The following MAP3K2 variants were observed in gnomAD, a reference collection of about 807,000 sequenced individuals.
The protein encoded by MAP3K2 is MAP/ERK kinase kinase 2.
MAP3K2 carries 24 observed loss-of-function variants against 80.3 expected under a neutral mutation model. The observed-to-expected ratio is 0.30, with a 90% confidence interval of 0.22 to 0.42. The LOEUF is 0.42. Among genes scored for constraint, MAP3K2 ranks in the 10% least tolerant of loss-of-function variants. The pLI is 1.00. For missense variants in MAP3K2, 608 were observed against 750.1 expected (o/e 0.81, Z 2.21); for synonymous variants, 244 against 253.7 (o/e 0.96, Z 0.36).
chr2:127,383,299 C>T (rs907346696), intron 1 of MAP3K2, among the ~76,000 whole-genome samples: 1 of 152,216 alleles, frequency 6.6e-6, no homozygotes, highest in African/African-American at 2.4e-5. Context: ...TTTGACAAAA[C>T]TGATTCTTCC....
chr2:127,358,506 A>C (rs1165243598), intron 1 of MAP3K2, among the ~76,000 whole-genome samples: 1 of 152,254 alleles, frequency 6.6e-6, no homozygotes, highest in African/African-American at 2.4e-5. Flanking sequence ...CATAATGGCC[A>C]AAACTTGGAA....
chr2:127,306,284 T>G lies in MAP3K2; in HGVS notation c.*1295A>C, dbSNP rs1011387634. 6.6e-6 allele frequency: 1 copy of G among 152,174 alleles called. No homozygotes were observed. Among genetic ancestry groups the G allele is most frequent in the African/African-American group, 2.4e-5 (1 of 41,456 alleles). 9.4% of individuals were successfully genotyped at this position (152,174 alleles called of 1,614,324 possible). A position where few individuals can be genotyped will look rare whatever the true frequency, so the allele number is the denominator to read the frequency against. On this transcript the variant is annotated 3_prime_UTR_variant, in exon 17 of 17. Transcript: ENST00000682094. The surrounding 1 kb of genome is among the most constrained non-coding windows in gnomAD (Gnocchi z 4.7). ...TTTCTCAGCCTCAGCACTTCTGACA[T>G]TTTGGGAGGGGTAATTCTTTGAGGC...
Position 127,322,226 on chromosome 2 carries a change from T to C in MAP3K2, c.865A>G (p.Arg289Gly). Residue 289 changes from arginine to glycine, a missense_variant, in exon 12 of 17, where the codon AGG (arginine) becomes GGG (glycine). Transcript: ENST00000682094. This position sits in a 1 kb window ranked among gnomAD's most constrained non-coding sequence, Gnocchi z 4.2. ...DGRKTFPRAR[R>G]TQGTSLRSPV... ...GACCGTAAGCTGGTCCCCTGGGTCC[T>C]TCTAGCTCTTGGAAAAGTTTTACGA... 1 of 1,613,850 alleles carries C rather than the reference T, an allele frequency of 6.2e-7. No individual in the cohort carries two copies. The highest frequency in any genetic ancestry group is 2.2e-5 in the East Asian group (1 of 44,880).
intron 1 of MAP3K2, among the ~76,000 whole-genome samples, chr2:127,367,129 G>C (rs1480510052): frequency 2.0e-5 from 3 of 152,062 alleles, no homozygotes; most frequent in Admixed American, 6.5e-5. Flanking sequence ...TATATATGAA[G>C]AGACATAACA....
intron 1 of MAP3K2, among the ~76,000 whole-genome samples, chr2:127,376,325 G>A (rs1031824319): frequency 4.0e-5 from 6 of 151,350 alleles, no homozygotes; most frequent in Non-Finnish European, 7.4e-5. Flanking sequence ...AGGGTGGGAA[G>A]GGGGGGAGCG....
In MAP3K2 at chr2:127,366,800, T is replaced by C. The variant is rs371033653; in HGVS notation, c.-66+20652A>G. On this transcript the variant is annotated intron_variant, in intron 1 of 16. Transcript: ENST00000682094. ...ATAACATGAGAATAATTCTGTTCTC[T>C]GTTATTTTCTAAGGCTCAATGCTTA... 2.0e-5 allele frequency among the ~76,000 whole-genome samples: 3 copies of C among 152,198 alleles called. No homozygotes were observed. The East Asian group carries it at 5.8e-4, about 29-fold the overall frequency.
Position 127,318,182 on chromosome 2 carries a change from G to A in MAP3K2, c.1181C>T (p.Pro394Leu), listed in dbSNP as rs777093261. ...VKQVQFDPDS[P>L]ETSKEVNALE... ...AGTGATTTTTACCTTGCTGGTCTCA[G>A]GACTATCGGGGTCAAATTGAACTTG... Residue 394 changes from proline (P) to leucine (L), a missense_variant, in exon 13 of 17, where the codon CCT becomes CTT. This residue lies in a region of MAP3K2 where 467 missense variants were observed against 521.9 expected (regional missense o/e 0.89). Transcript: ENST00000682094. The A allele has an allele frequency of 3.1e-6, 5 of 1,605,252 alleles. No homozygotes were observed. The South Asian group carries it at 3.4e-5, about 11-fold the overall frequency.
At position 127,302,495 on chromosome 2, in the gene MAP3K2, G is replaced by T. The variant is rs1302226566; in HGVS notation, c.*5084C>A. 2.0e-5 allele frequency: 3 copies of T among 151,354 alleles called. No homozygotes were observed. Among genetic ancestry groups the T allele is most frequent in the Admixed American group, 6.6e-5 (1 of 15,174 alleles). The allele number at this position is 151,354 out of a possible 1,614,324, so 9.4% of individuals were successfully genotyped here. A position where few individuals can be genotyped will look rare whatever the true frequency, so the allele number is the denominator to read the frequency against. ...CAAACGCACACATACATGCACACAT[G>T]CACACACTTCACAGAAAAGTAACTT... On this transcript the variant is annotated 3_prime_UTR_variant, in exon 17 of 17. Transcript: ENST00000682094.
At chr2:127,335,788 C>T in intron 5 of MAP3K2, 82 bp downstream of exon 5, 1 of 679,358 alleles carries the variant, frequency 1.5e-6, no homozygotes, top group South Asian at 2.3e-5. Context: ...TAAATAAAAA[C>T]ACGAGTCTTA....
At chr2:127,373,299 G>A (rs1236628496) in intron 1 of MAP3K2, among the ~76,000 whole-genome samples, 1 of 152,222 alleles carries the variant, frequency 6.6e-6, no homozygotes, top group African/African-American at 2.4e-5. Context: ...AGAATACACA[G>A]TTAAGAGGTT....
chr2:127,305,088 A>C lies in MAP3K2; in HGVS notation c.*2491T>G, dbSNP rs1307745770. Reference sequence around the variant, plus strand: ...AAAAGAAAACAGAGACTGAAAAAAAAACAGTTTTGCTCTGGGTTCTACAGT... The same window carrying C: ...AAAAGAAAACAGAGACTGAAAAAAACACAGTTTTGCTCTGGGTTCTACAGT... On this transcript the variant is annotated 3_prime_UTR_variant, in exon 17 of 17. Transcript: ENST00000682094. The C allele has an allele frequency of 3.3e-5, 5 of 152,526 alleles. No homozygotes were observed. The highest frequency in any genetic ancestry group is 1.5e-5 in the Non-Finnish European group (1 of 67,994). 9.4% of individuals were successfully genotyped at this position (152,526 alleles called of 1,614,324 possible).
intron 2 of MAP3K2, among the ~76,000 whole-genome samples, chr2:127,341,959 T>C (rs191273287): frequency 1.4e-3 from 215 of 152,340 alleles, no homozygotes; most frequent in Middle Eastern, 6.8e-3. Context: ...TGCTTATTCA[T>C]GATATTTGAA....
chr2:127,382,850 G>A (rs1687269678), intron 1 of MAP3K2, among the ~76,000 whole-genome samples: 1 of 152,208 alleles, frequency 6.6e-6, no homozygotes, highest in Non-Finnish European at 1.5e-5. Flanking sequence ...GATAGGGGTT[G>A]CCTTCAATCT....
intron 1 of MAP3K2, among the ~76,000 whole-genome samples, chr2:127,344,205 A>G (rs1686553065): frequency 6.6e-6 from 1 of 152,126 alleles, no homozygotes; most frequent in South Asian, 2.1e-4. Context: ...AGGCAGATGC[A>G]CAACTCAGTT....
chr2:127,323,552 T>C (rs1485942905), intron 11 of MAP3K2, among the ~76,000 whole-genome samples: 1 of 151,740 alleles, frequency 6.6e-6, no homozygotes, highest in Non-Finnish European at 1.5e-5. Flanking sequence ...CTGGGTGTGA[T>C]GGCAAATGCC....
chr2:127,380,454 A>C (rs1426949131), intron 1 of MAP3K2, among the ~76,000 whole-genome samples: 7 of 152,222 alleles, frequency 4.6e-5, no homozygotes, highest in African/African-American at 1.4e-4. Context: ...AAGTTTATAA[A>C]CCTCGTAGTG....
chr2:127,320,359 C>A (rs981686519), intron 12 of MAP3K2, among the ~76,000 whole-genome samples: 1 of 151,830 alleles, frequency 6.6e-6, no homozygotes, highest in African/African-American at 2.4e-5. Flanking sequence ...ATTCCTTCAA[C>A]AGGATCATAA....
intron 1 of MAP3K2, among the ~76,000 whole-genome samples, chr2:127,357,568 GAACTT>G (rs1435771560): frequency 2.6e-5 from 4 of 152,130 alleles, no homozygotes; most frequent in African/African-American, 9.7e-5. Flanking sequence ...AGAAGAAAGA[GAACTT>G]AAATTATGTA....
chr2:127,344,092 C>G (rs1352579261), intron 1 of MAP3K2, among the ~76,000 whole-genome samples: 2 of 151,988 alleles, frequency 1.3e-5, no homozygotes, highest in African/African-American at 4.8e-5. Context: ...TAACTGTAAT[C>G]CCCAGGTCAA....
Sources: gnomAD v4.1 joint callset for allele counts (sites outside exome capture counted in the v4.1 genomes callset) on GRCh38, gnomAD v4.1.1 for gene constraint, gnomAD v4.1.1 regional missense constraint, Gnocchi (gnomAD v3.1) non-coding constraint, MANE v1.5 for transcripts, NCBI Gene and HGNC (gene_info 2026-07-23, HGNC 2026-07-21) for gene names.